CASK: variants seen among roughly 807,000 people sequenced by gnomAD.
CASK encodes the protein calcium/calmodulin dependent serine protein kinase.
A neutral mutation model predicts 82.9 loss-of-function variants in CASK; 4 were observed. That is an observed-to-expected ratio of 0.05 (90% CI 0.02 to 0.11). The LOEUF (loss-of-function observed/expected upper bound fraction) is 0.11, where lower values mean the gene tolerates loss of function less well. Among genes scored for constraint, CASK ranks in the 10% least tolerant of loss-of-function variants. CASK has a pLI of 1.00. For synonymous variants in CASK, 259 were observed against 253.5 expected, an observed-to-expected ratio of 1.02 and a Z score of -0.20; for missense variants, 358 against 720.9, an observed-to-expected ratio of 0.50 and a Z score of 5.76.
intron 7 of CASK, among the ~76,000 whole-genome samples, chrX:41,664,688 T>C (rs1362474057): frequency 8.9e-6 from 1 of 112,324 alleles, no homozygotes; most frequent in Non-Finnish European, 1.9e-5. Context: ...GATATCGCTA[T>C]TCATAAAGTC....
intron 2 of CASK, among the ~76,000 whole-genome samples, chrX:41,830,863 T>A (rs1411130329): frequency 9.5e-6 from 1 of 105,142 alleles, no homozygotes; most frequent in Admixed American, 1.0e-4. Flanking sequence ...TAAACATGGA[T>A]TAGAATAATG....
At position 41,523,988 on chromosome X, in the gene CASK, A is replaced by G. The variant is rs1331299419; in HGVS notation, c.2567T>C (p.Phe856Ser). Reference sequence around the variant, plus strand: ...TGGAGTAATAGTTGGTGCAGCAATGAAAACAACAAAAGGAGCAAACTCTGC... The same window carrying G: ...TGGAGTAATAGTTGGTGCAGCAATGGAAACAACAAAAGGAGCAAACTCTGC... ...RTAEFAPFVV[F>S]IAAPTITPGL... Residue 856 changes from phenylalanine (F) to serine (S), a missense_variant, in exon 26 of 27, where the codon TTC becomes TCC. Transcript: ENST00000378163. 8.3e-7 allele frequency: 1 copy of G among 1,204,176 alleles called. No individual in the cohort carries two copies. Among genetic ancestry groups the G allele is most frequent in the Non-Finnish European group, 1.1e-6 (1 of 889,557 alleles).
At chrX:41,846,424 G>A (rs1471289759) in intron 2 of CASK, among the ~76,000 whole-genome samples, 2 of 99,976 alleles carry the variant, frequency 2.0e-5, no homozygotes, top group Admixed American at 1.1e-4. Context: ...ACCAGAGGCT[G>A]GAAAGGGTAG....
intron 1 of CASK, among the ~76,000 whole-genome samples, chrX:41,889,876 T>C (rs924630977): frequency 9.0e-6 from 1 of 111,616 alleles, no homozygotes; most frequent in Non-Finnish European, 1.9e-5. Flanking sequence ...ACTGAGGGAA[T>C]GATCATAAAT....
chrX:41,555,650 C>T lies in CASK; in HGVS notation c.1807-15G>A. ...GATGGCAAGTCCTGTAGAATAAAGC[C>T]AACCCAGGAGAAAAATTTTCATTTA... On this transcript the variant is annotated splice_polypyrimidine_tract_variant and intron_variant, in intron 19 of 26. Coordinates refer to ENST00000378163, the MANE Select transcript of CASK (RefSeq NM_001367721.1). The T allele has an allele frequency of 8.5e-7, 1 of 1,181,743 alleles. No homozygotes were observed. Among genetic ancestry groups the T allele is most frequent in the Non-Finnish European group, 1.2e-6 (1 of 868,611 alleles).
At chrX:41,680,896 C>T (rs1414167576) in intron 5 of CASK, among the ~76,000 whole-genome samples, 2 of 109,721 alleles carry the variant, frequency 1.8e-5, no homozygotes, top group African/African-American at 6.6e-5. Context: ...GCCTGGGCAA[C>T]AAGAGCGAAA....
intron 2 of CASK, among the ~76,000 whole-genome samples, chrX:41,813,995 C>G (rs1335680940): frequency 1.8e-5 from 2 of 112,277 alleles, no homozygotes; most frequent in African/African-American, 6.5e-5. Context: ...TGAAAAAATG[C>G]TCATCATCAC....
intron 5 of CASK, among the ~76,000 whole-genome samples, chrX:41,722,838 T>C (rs937315281): frequency 8.9e-6 from 1 of 112,677 alleles, no homozygotes; most frequent in Non-Finnish European, 1.9e-5. Flanking sequence ...ATATTACAAC[T>C]ATCTTTCAAT....
intron 2 of CASK, among the ~76,000 whole-genome samples, chrX:41,808,246 C>T (rs987573874): frequency 4.5e-5 from 5 of 111,924 alleles, no homozygotes; most frequent in Non-Finnish European, 7.5e-5. Context: ...AACCATAGCA[C>T]ATGGTGATGA....
chrX:41,840,629 G>A (rs1389146206), intron 2 of CASK, among the ~76,000 whole-genome samples: 2 of 112,057 alleles, frequency 1.8e-5, no homozygotes, highest in East Asian at 5.6e-4. Context: ...AACAGGAGTA[G>A]GGAACAGGAA....
At chrX:41,881,432 T>C (rs778149157) in intron 1 of CASK, among the ~76,000 whole-genome samples, 58 of 111,463 alleles carry the variant, frequency 5.2e-4, no homozygotes, top group Non-Finnish European at 9.1e-4. Flanking sequence ...CTCACCACCA[T>C]TGAATTTTAA....
intron 3 of CASK, among the ~76,000 whole-genome samples, chrX:41,779,094 G>A (rs1197412270): frequency 8.9e-6 from 1 of 112,026 alleles, no homozygotes; most frequent in Non-Finnish European, 1.9e-5. Context: ...TGGGAACTTG[G>A]ATTTCAGGAC....
intron 4 of CASK, 108 bp downstream of exon 4, chrX:41,745,416 T>C: frequency 3.5e-6 from 2 of 570,373 alleles, no homozygotes; most frequent in Non-Finnish European, 6.1e-6. Flanking sequence ...ATGTTCCCTG[T>C]AGCAAAGAGC....
intron 11 of CASK, among the ~76,000 whole-genome samples, chrX:41,621,039 G>A (rs966281009): frequency 1.8e-5 from 2 of 110,180 alleles, no homozygotes; most frequent in African/African-American, 3.3e-5. Context: ...GTACCCACTC[G>A]TGTAAAGCTT....
intron 1 of CASK, among the ~76,000 whole-genome samples, chrX:41,877,824 C>T (rs2071856383): frequency 9.0e-6 from 1 of 110,850 alleles, no homozygotes; most frequent in African/African-American, 3.3e-5. Flanking sequence ...CCCATAATAT[C>T]TACGTAGGGT....
intron 15 of CASK, among the ~76,000 whole-genome samples, chrX:41,578,123 G>A (rs1229148025): frequency 1.8e-5 from 2 of 111,360 alleles, no homozygotes; most frequent in Non-Finnish European, 3.8e-5. Flanking sequence ...TGTGAAAGGA[G>A]AGGTGAGAAA....
At position 41,830,689 on chromosome X, in the gene CASK, G is replaced by A. The variant is rs556891829; in HGVS notation, c.172+22426C>T. ...CAAAAAATTAGCCGGGCGTGGTGGC[G>A]GGTGCCTGTAGTCCCAGCTACTCAG... On this transcript the variant is annotated intron_variant, in intron 2 of 26. Coordinates refer to ENST00000378163, the MANE Select transcript of CASK (RefSeq NM_001367721.1). 2.3e-4 allele frequency among the ~76,000 whole-genome samples: 25 copies of A among 107,757 alleles called. No individual in the cohort carries two copies. In the South Asian group the frequency reaches 5.5e-3, roughly 24 times the overall value. The allele number at this position is 107,757 out of a possible 115,157, so 93.6% of individuals were successfully genotyped here.
chrX:41,892,927 G>A (rs2072200053), intron 1 of CASK, among the ~76,000 whole-genome samples: 1 of 111,767 alleles, frequency 8.9e-6, no homozygotes, highest in African/African-American at 3.3e-5. Flanking sequence ...GAGCCTGTTG[G>A]GAAAGGCAAA....
At chrX:41,642,146 T>C (rs1340670391) in intron 8 of CASK, among the ~76,000 whole-genome samples, 1 of 111,461 alleles carries the variant, frequency 9.0e-6, no homozygotes, top group Non-Finnish European at 1.9e-5. Flanking sequence ...AGTCTATCAA[T>C]GATGGACATT....
Sources: allele counts gnomAD v4.1 joint callset (sites outside exome capture counted in the v4.1 genomes callset), GRCh38; gene constraint gnomAD v4.1.1; transcripts MANE v1.5; gene names NCBI Gene and HGNC (gene_info 2026-07-23, HGNC 2026-07-21).